The following KCNIP4 variants were observed in gnomAD, a reference collection of about 807,000 sequenced individuals.
KCNIP4 encodes potassium voltage-gated channel interacting protein 4.
KCNIP4 carries 12 observed loss-of-function variants against 34.0 expected under a neutral mutation model. The observed-to-expected ratio is 0.35, with a 90% CI of 0.23 to 0.57. The LOEUF (loss-of-function observed/expected upper bound fraction) is 0.57, where lower values mean the gene tolerates loss of function less well. Ranked by LOEUF, KCNIP4 falls within the 20% of genes least tolerant of loss-of-function variation. The pLI is 0.83. For missense variants in KCNIP4, 238 were observed against 311.7 expected, an observed-to-expected ratio of 0.76 and a Z score of 1.78; for synonymous variants, 124 against 102.2, an observed-to-expected ratio of 1.21 and a Z score of -1.29.
chr4:21,035,517 C>A (rs1323966658), intron 1 of KCNIP4, among the ~76,000 whole-genome samples: 1 of 152,120 alleles, frequency 6.6e-6, no homozygotes, highest in African/African-American at 2.4e-5. Flanking sequence ...GTTTCATATT[C>A]CTTTGGGCCT....
At chr4:21,497,456 T>A (rs1383528955) in intron 1 of KCNIP4, among the ~76,000 whole-genome samples, 1 of 152,024 alleles carries the variant, frequency 6.6e-6, no homozygotes, top group Non-Finnish European at 1.5e-5. Flanking sequence ...TGCCCTCCCC[T>A]CTTCACATGA....
At chr4:21,825,701 A>C (rs1451950563) in intron 1 of KCNIP4, among the ~76,000 whole-genome samples, 1 of 152,198 alleles carries the variant, frequency 6.6e-6, no homozygotes, top group Non-Finnish European at 1.5e-5. Flanking sequence ...TGATTTATGT[A>C]ACATAAGAGC....
At chr4:21,287,495 A>T (rs1763192853) in intron 1 of KCNIP4, among the ~76,000 whole-genome samples, 1 of 152,214 alleles carries the variant, frequency 6.6e-6, no homozygotes, top group Non-Finnish European at 1.5e-5. Context: ...TGAACAGCAT[A>T]TGTTAACTCA....
At chr4:21,268,000 G>C (rs1396739139) in intron 1 of KCNIP4, among the ~76,000 whole-genome samples, 1 of 152,022 alleles carries the variant, frequency 6.6e-6, no homozygotes. Flanking sequence ...TGGTTGGTAT[G>C]CTATTGATTA....
chr4:20,959,575 T>A (rs1175760691), intron 1 of KCNIP4, among the ~76,000 whole-genome samples: 1 of 152,202 alleles, frequency 6.6e-6, no homozygotes, highest in Non-Finnish European at 1.5e-5. Flanking sequence ...CTGTTAATCA[T>A]CCCTAAAATC....
chr4:21,548,820 A>G (rs1738341487), intron 1 of KCNIP4, among the ~76,000 whole-genome samples: 1 of 152,034 alleles, frequency 6.6e-6, no homozygotes, highest in African/African-American at 2.4e-5. Flanking sequence ...TCTCTCACCT[A>G]TAAATTATAA....
intron 2 of KCNIP4, among the ~76,000 whole-genome samples, chr4:20,861,403 C>T (rs1349679881): frequency 6.6e-6 from 1 of 152,136 alleles, no homozygotes; most frequent in Non-Finnish European, 1.5e-5. Flanking sequence ...CACACACAGG[C>T]TGCAAGTAGA....
intron 1 of KCNIP4, among the ~76,000 whole-genome samples, chr4:21,382,201 G>A (rs1253591452): frequency 1.3e-5 from 2 of 152,156 alleles, no homozygotes; most frequent in Non-Finnish European, 2.9e-5. Context: ...ATGGACAGAG[G>A]TCATTGAAAG....
intron 1 of KCNIP4, among the ~76,000 whole-genome samples, chr4:21,047,712 C>T (rs1044899515): frequency 3.9e-5 from 6 of 152,146 alleles, no homozygotes; most frequent in Admixed American, 6.5e-5. Context: ...ATTCCACATG[C>T]CAAAATAATT....
Position 21,370,882 on chromosome 4 carries a change from C to CACACACACACGT in KCNIP4, c.62-488174_62-488173insACGTGTGTGTGT, listed in dbSNP as rs367553482. On this transcript the variant is annotated intron_variant, in intron 1 of 8. Coordinates refer to ENST00000382152, the MANE Select transcript of KCNIP4 (RefSeq NM_025221.6). Reference sequence around the variant, plus strand: ...ACACACACACACACACACACACACACGTGTGTGTGTGTGTGTGTGTATTAG... The same window carrying CACACACACACGT: ...ACACACACACACACACACACACACACACACACACACGTGTGTGTGTGTGTGTGTGTGTATTAG... 1.5e-3 allele frequency among the ~76,000 whole-genome samples: 58 copies of CACACACACACGT among 39,372 alleles called. 7 individuals carry two copies. Among genetic ancestry groups the CACACACACACGT allele is most frequent in the South Asian group, 6.9e-3 (6 of 864 alleles). The allele number at this position is 39,372 out of a possible 152,430, so 25.8% of individuals were successfully genotyped here.
chr4:20,887,887 A>C (rs1452325654), intron 1 of KCNIP4, among the ~76,000 whole-genome samples: 2 of 152,134 alleles, frequency 1.3e-5, no homozygotes, highest in Non-Finnish European at 2.9e-5. Flanking sequence ...ACAGCAAAAA[A>C]GTATTGTAGA....
chr4:21,742,514 T>A (rs551193498), intron 1 of KCNIP4, among the ~76,000 whole-genome samples: 2 of 152,326 alleles, frequency 1.3e-5, no homozygotes, highest in South Asian at 4.1e-4. Flanking sequence ...CGTTCCTCAG[T>A]CTTTTATGAG....
At chr4:21,511,865 A>G (rs962527136) in intron 1 of KCNIP4, among the ~76,000 whole-genome samples, 3 of 152,106 alleles carry the variant, frequency 2.0e-5, no homozygotes, top group Admixed American at 6.6e-5. Flanking sequence ...AAGTGTCCCT[A>G]TTGAGATTCA....
intron 1 of KCNIP4, among the ~76,000 whole-genome samples, chr4:21,528,505 A>G (rs572403231): frequency 1.3e-5 from 2 of 151,672 alleles, no homozygotes; most frequent in African/African-American, 2.4e-5. Context: ...TGTCTCTACC[A>G]AAAATACAAA....
intron 3 of KCNIP4, among the ~76,000 whole-genome samples, chr4:20,806,111 T>C (rs1472322394): frequency 1.3e-5 from 2 of 152,108 alleles, no homozygotes; most frequent in Non-Finnish European, 2.9e-5. Context: ...TTGCCTGTTC[T>C]ACATTTTAAT....
chr4:21,421,048 C>A (rs2109625788), intron 1 of KCNIP4, among the ~76,000 whole-genome samples: 1 of 152,266 alleles, frequency 6.6e-6, no homozygotes, highest in Admixed American at 6.5e-5. Flanking sequence ...CTCATCATCA[C>A]TAATCATTAG....
chr4:21,218,716 A>G (rs1757787880), intron 1 of KCNIP4, among the ~76,000 whole-genome samples: 1 of 152,200 alleles, frequency 6.6e-6, no homozygotes, highest in Non-Finnish European at 1.5e-5. Context: ...CCATAGATTC[A>G]TCTAGAATTT....
At chr4:21,683,446 ATTTTTTTTTTTTTTTTTTTT>A (rs71191533) in intron 1 of KCNIP4, among the ~76,000 whole-genome samples, 3 of 46,614 alleles carry the variant, frequency 6.4e-5, no homozygotes, top group Admixed American at 7.0e-4. Flanking sequence ...GTGAAGCCAG[ATTTTTTTTTTTTTTTTTTTT>A]TTTTTTTTTT....
intron 1 of KCNIP4, among the ~76,000 whole-genome samples, chr4:21,659,688 T>A (rs1748284014): frequency 6.6e-6 from 1 of 152,156 alleles, no homozygotes; most frequent in South Asian, 2.1e-4. Context: ...CAATTATTGA[T>A]TGTTATTATT....
Sources: allele counts gnomAD v4.1 joint callset (sites outside exome capture counted in the v4.1 genomes callset), GRCh38; gene constraint gnomAD v4.1.1; transcripts MANE v1.5; gene names NCBI Gene and HGNC (gene_info 2026-07-23, HGNC 2026-07-21).